C1orf105: variants seen among roughly 807,000 people sequenced by gnomAD.
The protein encoded by C1orf105 is chromosome 1 open reading frame 105.
In C1orf105, 17 loss-of-function variants were observed where a neutral mutation model predicts 20.8. The observed-to-expected ratio is 0.82, with a 90% CI of 0.56 to 1.23. The LOEUF (loss-of-function observed/expected upper bound fraction) is 1.23, where lower values mean the gene tolerates loss of function less well. Among genes scored for constraint, C1orf105 ranks in the 50% most tolerant of loss-of-function variants. C1orf105 has a pLI of 0.00. For synonymous variants in C1orf105, 72 were observed against 72.1 expected, an observed-to-expected ratio of 1.00 and a Z score of 0.01; for missense variants, 219 against 213.5, an observed-to-expected ratio of 1.03 and a Z score of -0.16.
chr1:172,439,605 G>A (rs1158534756), intron 1 of C1orf105, among the ~76,000 whole-genome samples: 2 of 152,104 alleles, frequency 1.3e-5, no homozygotes, highest in Non-Finnish European at 1.5e-5. Flanking sequence ...CAGTGTGACA[G>A]GGAAAAGCTG....
intron 3 of C1orf105, 33 bp downstream of exon 3, chr1:172,448,564 C>T (rs1415766921): frequency 7.9e-6 from 10 of 1,264,858 alleles, no homozygotes; most frequent in Non-Finnish European, 1.2e-5. Flanking sequence ...ATGAAACCAA[C>T]AGCAGTTCTA....
intron 1 of C1orf105, among the ~76,000 whole-genome samples, chr1:172,425,932 AC>A (rs1199885179): frequency 6.6e-6 from 1 of 151,750 alleles, no homozygotes; most frequent in Non-Finnish European, 1.5e-5. Context: ...ACTTACTGGA[AC>A]TTATGTCATT....
intron 1 of C1orf105, chr1:172,441,603 G>T: frequency 1.1e-5 from 10 of 871,938 alleles, no homozygotes; most frequent in African/African-American, 5.1e-5. Flanking sequence ...ATTTTTTTTG[G>T]TTTTGATCTC....
chr1:172,463,017 T>A (rs1649805594), intron 5 of C1orf105, among the ~76,000 whole-genome samples: 2 of 152,174 alleles, frequency 1.3e-5, no homozygotes, highest in African/African-American at 4.8e-5. Context: ...CCTCTGGTGA[T>A]CTGCCCGCCT....
chr1:172,432,083 C>G (rs1442393688), intron 1 of C1orf105, among the ~76,000 whole-genome samples: 1 of 152,176 alleles, frequency 6.6e-6, no homozygotes, highest in African/African-American at 2.4e-5. Flanking sequence ...ACAAAGCAGC[C>G]GGGAAGCTCA....
At chr1:172,452,152 T>C (rs1648724072) in intron 3 of C1orf105, among the ~76,000 whole-genome samples, 2 of 152,188 alleles carry the variant, frequency 1.3e-5, no homozygotes, top group African/African-American at 4.8e-5. Flanking sequence ...ATTACAAGTA[T>C]GAGCCACCAT....
At chr1:172,454,390 T>C (rs1174271551) in intron 3 of C1orf105, among the ~76,000 whole-genome samples, 1 of 151,676 alleles carries the variant, frequency 6.6e-6, no homozygotes, top group Non-Finnish European at 1.5e-5. Flanking sequence ...CTCACTCTCA[T>C]ACCTCAAAGA....
At position 172,468,733 on chromosome 1, in the gene C1orf105, G is replaced by A; in HGVS notation, c.*139G>A. On this transcript the variant is annotated 3_prime_UTR_variant, in exon 7 of 7. Coordinates refer to ENST00000367727, the MANE Select transcript of C1orf105 (RefSeq NM_139240.4). Reference sequence around the variant, plus strand: ...TTAATTTTGCCTTCCTAAGATTGCTGGTATTCTAGCTCTTACCTCTATGTT... The same window carrying A: ...TTAATTTTGCCTTCCTAAGATTGCTAGTATTCTAGCTCTTACCTCTATGTT... 1.1e-6 allele frequency: 1 copy of A among 889,036 alleles called. No homozygotes were observed. The highest frequency in any genetic ancestry group is 1.7e-6 in the Non-Finnish European group (1 of 586,678). The allele number at this position is 889,036 out of a possible 1,614,324, so 55.1% of individuals were successfully genotyped here.
rs764022166 is a variant in C1orf105, at chr1:172,441,832, A to G, written c.22-3241A>G. 1.2e-6 allele frequency: 2 copies of G among 1,614,002 alleles called. No individual in the cohort carries two copies. The highest frequency in any genetic ancestry group is 1.7e-6 in the Non-Finnish European group (2 of 1,179,896). On this transcript the variant is annotated intron_variant, in intron 1 of 6. Transcript: ENST00000367727. ...CAAGCGAATGAGGTAGAATGGACAC[A>G]GACATGAGATAGACATCAGCAGAAG...
At chr1:172,449,223 T>C (rs1040175487) in intron 3 of C1orf105, among the ~76,000 whole-genome samples, 1 of 152,056 alleles carries the variant, frequency 6.6e-6, no homozygotes, top group Non-Finnish European at 1.5e-5. Context: ...TCAATATATG[T>C]TTACGGAGGC....
intron 5 of C1orf105, among the ~76,000 whole-genome samples, chr1:172,464,423 A>G (rs1264650594): frequency 2.0e-5 from 3 of 152,254 alleles, no homozygotes; most frequent in African/African-American, 7.2e-5. Context: ...ATGGCCCATC[A>G]AAGTTTACAA....
intron 1 of C1orf105, chr1:172,442,317 G>T: frequency 3.1e-6 from 5 of 1,613,312 alleles, no homozygotes; most frequent in Non-Finnish European, 4.2e-6. Context: ...CTCCATCAAT[G>T]AGATCAAACA....
chr1:172,444,356 C>A (rs1324574060), intron 1 of C1orf105: 1 of 958,072 alleles, frequency 1.0e-6, no homozygotes, highest in African/African-American at 1.8e-5. Flanking sequence ...TTGTTGCGCT[C>A]CTTTATTAAG....
At position 172,445,202 on chromosome 1, in the gene C1orf105, C is replaced by T. The variant is rs1445269346; in HGVS notation, c.107+44C>T. ...AGGGCAAAAGTTTTACGAAACATCTCACAGAAGATGATTTCTTCTTAAGGG... is the reference window on the plus strand; with the variant it reads ...AGGGCAAAAGTTTTACGAAACATCTTACAGAAGATGATTTCTTCTTAAGGG... On this transcript the variant is annotated intron_variant, in intron 2 of 6. Transcript: ENST00000367727. The T allele has an allele frequency of 2.1e-6, 3 of 1,462,390 alleles. No homozygotes were observed. In the Admixed American group the frequency reaches 5.3e-5, roughly 26 times the overall value. 90.6% of individuals were successfully genotyped at this position (1,462,390 alleles called of 1,614,324 possible). A position where few individuals can be genotyped will look rare whatever the true frequency, so the allele number is the denominator to read the frequency against.
Position 172,468,539 on chromosome 1 carries a change from G to A in C1orf105, c.497G>A (p.Arg166Lys). 6.2e-7 allele frequency: 1 copy of A among 1,614,018 alleles called. No homozygotes were observed. Among genetic ancestry groups the A allele is most frequent in the Non-Finnish European group, 8.5e-7 (1 of 1,179,928 alleles). ...LTEAYKTLKE[R>K]QRSSLPRKEP... Reference sequence around the variant, plus strand: ...GAGGCCTACAAAACTCTAAAAGAGAGACAACGTTCTTCCTTGCCCAGAAAG... The same window carrying A: ...GAGGCCTACAAAACTCTAAAAGAGAAACAACGTTCTTCCTTGCCCAGAAAG... The change falls in exon 7 of 7, where the codon AGA becomes AAA. Residue 166 changes from arginine (R) to lysine (K), a missense_variant. Coordinates refer to ENST00000367727, the MANE Select transcript of C1orf105 (RefSeq NM_139240.4).
intron 6 of C1orf105, chr1:172,465,571 C>T (rs1573897816): frequency 1.5e-6 from 1 of 668,808 alleles, no homozygotes; most frequent in East Asian, 2.9e-5. Context: ...CTCCTCAGGC[C>T]TCACTTGCCC....
intron 4 of C1orf105, among the ~76,000 whole-genome samples, chr1:172,460,561 C>T (rs1406511922): frequency 6.6e-6 from 1 of 152,034 alleles, no homozygotes; most frequent in Non-Finnish European, 1.5e-5. Context: ...CAGATATTCT[C>T]TAACATATAT....
At chr1:172,453,449 A>G (rs1184790544) in intron 3 of C1orf105, among the ~76,000 whole-genome samples, 1 of 152,216 alleles carries the variant, frequency 6.6e-6, no homozygotes, top group African/African-American at 2.4e-5. Context: ...CTACAACACT[A>G]ATGTTCTGTA....
At chr1:172,453,885 A>G (rs576274963) in intron 3 of C1orf105, among the ~76,000 whole-genome samples, 59 of 152,332 alleles carry the variant, frequency 3.9e-4, no homozygotes, top group Non-Finnish European at 6.9e-4. Flanking sequence ...ATGAGTAGCT[A>G]TCAAGGCCAG....
Sources: allele counts gnomAD v4.1 joint callset (sites outside exome capture counted in the v4.1 genomes callset), GRCh38; gene constraint gnomAD v4.1.1; transcripts MANE v1.5; gene names NCBI Gene and HGNC (gene_info 2026-07-23, HGNC 2026-07-21).